Variants in XKR3 observed in about 807,000 individuals in gnomAD.
XKR3 encodes XK-related protein 3.
XKR3 carries 27 observed loss-of-function variants against 40.3 expected under a neutral mutation model. The observed-to-expected ratio is 0.67, with a 90% CI of 0.49 to 0.92. The LOEUF (loss-of-function observed/expected upper bound fraction) is 0.92, where lower values mean the gene tolerates loss of function less well. Ranked by LOEUF, XKR3 falls within the 40% of genes least tolerant of loss-of-function variation. XKR3 has a pLI of 0.00. For synonymous variants in XKR3, 193 were observed against 195.4 expected (o/e 0.99, Z 0.10); for missense variants, 472 against 537.6 (o/e 0.88, Z 1.21).
rs188871060 is a variant in XKR3 at position 16,810,989 on chromosome 22, C to A, written c.-10-2906G>T. Reference sequence around the variant, plus strand: ...TAAAAGTCACTAGTTGTTGTCACTGCTTCCTACTAAAGCCAAAATGTAAGT... The same window carrying A: ...TAAAAGTCACTAGTTGTTGTCACTGATTCCTACTAAAGCCAAAATGTAAGT... On this transcript the variant is annotated intron_variant, in intron 1 of 3. Transcript: ENST00000684488. Among the ~76,000 whole-genome samples, 92 of 152,264 alleles carry A rather than the reference C, an allele frequency of 6.0e-4. 1 individual carries two copies. In the East Asian group the frequency reaches 0.017, roughly 29 times the overall value.
intron 2 of XKR3, among the ~76,000 whole-genome samples, chr22:16,807,461 G>A (rs1212730557): frequency 3.3e-5 from 5 of 152,118 alleles, no homozygotes; most frequent in Admixed American, 6.5e-5. Context: ...CCATTAGGCC[G>A]AATGAGAAAA....
chr22:16,817,163 ATATAATTCTC>A (rs145470292), intron 1 of XKR3, among the ~76,000 whole-genome samples: 18,147 of 152,014 alleles, frequency 0.12, 1,405 homozygotes, highest in East Asian at 0.37. Context: ...TTTCAATGAG[ATATAATTCTC>A]TATTTAAAAA....
intron 1 of XKR3, among the ~76,000 whole-genome samples, chr22:16,819,186 A>G (rs1601852725): frequency 6.6e-6 from 1 of 152,044 alleles, no homozygotes; most frequent in East Asian, 1.9e-4. Flanking sequence ...GTATTGGAAG[A>G]CTCAATATGT....
At chr22:16,797,675 C>A (rs2060147617) in intron 3 of XKR3, among the ~76,000 whole-genome samples, 1 of 151,564 alleles carries the variant, frequency 6.6e-6, no homozygotes, top group Non-Finnish European at 1.5e-5. Flanking sequence ...CACCTGTGGT[C>A]CCAGCTGCTT....
rs2060076841 is a variant in XKR3 at position 16,783,877 on chromosome 22, A to G, written c.1122T>C (p.Cys374=). ...FFGGKTLLNC[C]DSLIAVQLII... is the part of the protein sequence containing the mutation. ...TGAGCTGCACGGCAATTAATGAGTC[A>G]CAACAATTCAGCAAAGTTTTCCCTC... Residue 374 remains cysteine, a synonymous_variant, in exon 4 of 4, where the codon TGT becomes TGC. Coordinates refer to ENST00000684488, the MANE Select transcript of XKR3 (RefSeq NM_001386955.1). 1 of 1,614,206 alleles carries G rather than the reference A, an allele frequency of 6.2e-7. No homozygotes were observed. The highest frequency in any genetic ancestry group is 8.5e-7 in the Non-Finnish European group (1 of 1,180,038).
At chr22:16,822,781 T>C (rs556384346) in intron 1 of XKR3, among the ~76,000 whole-genome samples, 1 of 152,358 alleles carries the variant, frequency 6.6e-6, no homozygotes, top group East Asian at 1.9e-4. Flanking sequence ...ATACTGTCAC[T>C]TCTATTTTTT....
intron 1 of XKR3, among the ~76,000 whole-genome samples, chr22:16,823,304 A>G (rs1164350835): frequency 6.6e-6 from 1 of 152,218 alleles, no homozygotes; most frequent in Non-Finnish European, 1.5e-5. Flanking sequence ...CATCGGCAGC[A>G]GGAAGAAGAG....
intron 1 of XKR3, among the ~76,000 whole-genome samples, chr22:16,822,736 A>G (rs1601854450): frequency 6.6e-6 from 1 of 152,238 alleles, no homozygotes; most frequent in East Asian, 1.9e-4. Context: ...TCTGGTTAGC[A>G]GTACAAACTC....
At chr22:16,792,146 A>T (rs1387610127) in intron 3 of XKR3, among the ~76,000 whole-genome samples, 2 of 152,066 alleles carry the variant, frequency 1.3e-5, no homozygotes, top group Non-Finnish European at 2.9e-5. Flanking sequence ...GGACTTCACC[A>T]TGTTGGCCAA....
chr22:16,790,361 A>T (rs2060109996), intron 3 of XKR3, among the ~76,000 whole-genome samples: 1 of 150,462 alleles, frequency 6.6e-6, no homozygotes, highest in African/African-American at 2.4e-5. Context: ...AAAAAAAATC[A>T]GAGTGATAGA....
chr22:16,811,145 G>C (rs1005331358), intron 1 of XKR3, among the ~76,000 whole-genome samples: 34 of 136,680 alleles, frequency 2.5e-4, no homozygotes, highest in African/African-American at 9.1e-4. Flanking sequence ...TTAATAGGAA[G>C]TAACAAAGTC....
chr22:16,793,820 T>C (rs2060130367), intron 3 of XKR3, among the ~76,000 whole-genome samples: 1 of 152,120 alleles, frequency 6.6e-6, no homozygotes, highest in Non-Finnish European at 1.5e-5. Context: ...ATTCAAGAGC[T>C]GAAAGATGAA....
chr22:16,802,491 CT>C (rs140360597), intron 2 of XKR3, among the ~76,000 whole-genome samples: 28 of 149,638 alleles, frequency 1.9e-4, no homozygotes, highest in African/African-American at 5.1e-4. Flanking sequence ...CCCAGTCTTT[CT>C]TTTTTTTTTC....
intron 3 of XKR3, among the ~76,000 whole-genome samples, chr22:16,794,424 C>T (rs2060132408): frequency 6.6e-6 from 1 of 150,520 alleles, no homozygotes; most frequent in Non-Finnish European, 1.5e-5. Flanking sequence ...CTATTTTCAA[C>T]ATTAAAAAAA....
intron 3 of XKR3, among the ~76,000 whole-genome samples, chr22:16,791,494 T>C (rs1182683755): frequency 6.6e-6 from 1 of 151,866 alleles, no homozygotes; most frequent in Non-Finnish European, 1.5e-5. Context: ...TTAGTGAAGG[T>C]ATATTGTTGA....
rs767385121 is a variant in XKR3, at chr22:16,799,790, T to G, written c.570A>C (p.Arg190=). The G allele has an allele frequency of 2.7e-5, 43 of 1,613,984 alleles. No homozygotes were observed. In the South Asian group the frequency reaches 4.7e-4, roughly 18 times the overall value. ...ACTTACCTCTATTCAAAGGCCATTC[T>G]CGTATAGTGAGACTGATATACATCT... ...ILQMYISLTI[R]EWPLNRALLM... is the part of the protein sequence containing the mutation. Residue 190 remains arginine (R), a synonymous_variant, in exon 3 of 4, where the codon CGA becomes CGC. Transcript: ENST00000684488.
intron 2 of XKR3, among the ~76,000 whole-genome samples, chr22:16,801,526 G>A (rs1258408909): frequency 5.3e-5 from 8 of 152,032 alleles, no homozygotes; most frequent in Non-Finnish European, 1.2e-4. Flanking sequence ...TGCACAACAC[G>A]GCAAGATGCC....
intron 2 of XKR3, among the ~76,000 whole-genome samples, chr22:16,805,328 T>C (rs1305706911): frequency 6.6e-6 from 1 of 152,208 alleles, no homozygotes; most frequent in Non-Finnish European, 1.5e-5. Flanking sequence ...ACCTTATTTA[T>C]AATAACCTAA....
chr22:16,825,157 T>C (rs1192706388), intron 1 of XKR3, among the ~76,000 whole-genome samples, 134 bp downstream of exon 1: 1 of 152,054 alleles, frequency 6.6e-6, no homozygotes, highest in Non-Finnish European at 1.5e-5. Flanking sequence ...GAGAGGGAGT[T>C]TCTAGGCTCA....
Sources: allele counts gnomAD v4.1 joint callset (sites outside exome capture counted in the v4.1 genomes callset), GRCh38; gene constraint gnomAD v4.1.1; transcripts MANE v1.5; gene names NCBI Gene and HGNC (gene_info 2026-07-23, HGNC 2026-07-21).